Variants in HERC1 observed in about 807,000 individuals in gnomAD.
HERC1 encodes HECT and RLD domain containing E3 ubiquitin protein ligase family member 1.
A neutral mutation model predicts 554.3 loss-of-function variants in HERC1; 160 were observed. The observed-to-expected ratio is 0.29, with a 90% CI of 0.25 to 0.33. The LOEUF is 0.33. HERC1 is among the 10% of genes least tolerant of loss of function. The pLI is 1.00. For missense variants in HERC1, 4,919 were observed against 5,918.5 expected, an observed-to-expected ratio of 0.83 and a Z score of 5.54; for synonymous variants, 2,175 against 2,131.7, an observed-to-expected ratio of 1.02 and a Z score of -0.56.
chr15:63,739,173 A>G (rs1371200655), intron 12 of HERC1, among the ~76,000 whole-genome samples: 2 of 142,960 alleles, frequency 1.4e-5, no homozygotes, highest in Admixed American at 7.2e-5. Context: ...CCTGCTCAAG[A>G]CCTCCAACAA....
Position 63,694,690 on chromosome 15 carries a change from C to G in HERC1, c.5242+84G>C, listed in dbSNP as rs1461783749. On this transcript the variant is annotated intron_variant, in intron 28 of 77. Transcript: ENST00000443617. This position sits in a 1 kb window ranked among gnomAD's most constrained non-coding sequence, Gnocchi z 4.3. ...TATAAGTTTATCTACTAATGTTAAA[C>G]ACAAAATATAGAACATAACTAGTAC... is the stretch of plus-strand genomic sequence containing the variant. 1.3e-6 allele frequency: 2 copies of G among 1,567,244 alleles called. No individual in the cohort carries two copies. Among genetic ancestry groups the G allele is most frequent in the South Asian group, 1.1e-5 (1 of 89,768 alleles).
chr15:63,734,852 A>T lies in HERC1; in HGVS notation c.2521-3T>A. The T allele has an allele frequency of 6.2e-7, 1 of 1,608,918 alleles. No homozygotes were observed. ...ACTGATAAAGTTTCAATTACCACCTAATATCAAAAGAGAAAAGTATACTGA... is the reference window on the plus strand; with the variant it reads ...ACTGATAAAGTTTCAATTACCACCTTATATCAAAAGAGAAAAGTATACTGA... On this transcript the variant is annotated splice_region_variant and splice_polypyrimidine_tract_variant and intron_variant, in intron 12 of 77. Transcript: ENST00000443617. The surrounding 1 kb of genome is among the most constrained non-coding windows in gnomAD (Gnocchi z 4.6).
At chr15:63,708,780 T>G (rs984935179) in intron 24 of HERC1, among the ~76,000 whole-genome samples, 1 of 152,182 alleles carries the variant, frequency 6.6e-6, no homozygotes, top group Non-Finnish European at 1.5e-5. Context: ...TAACCTCATA[T>G]AGTATAGAAG....
At chr15:63,794,653 T>C (rs1401329514) in intron 1 of HERC1, among the ~76,000 whole-genome samples, 1 of 152,114 alleles carries the variant, frequency 6.6e-6, no homozygotes, top group Admixed American at 6.5e-5. Context: ...AGACCAAATA[T>C]ATATTTTACA....
At chr15:63,685,251 C>G (rs2071687655) in intron 34 of HERC1, among the ~76,000 whole-genome samples, 1 of 152,246 alleles carries the variant, frequency 6.6e-6, no homozygotes, top group African/African-American at 2.4e-5. Context: ...CAGACAGTCC[C>G]TCTGAAACCA....
At chr15:63,665,269 C>T (rs891542710) in intron 42 of HERC1, among the ~76,000 whole-genome samples, 1 of 152,184 alleles carries the variant, frequency 6.6e-6, no homozygotes, top group Non-Finnish European at 1.5e-5. Context: ...AACGGTGGCT[C>T]ATGCCTGTAA....
intron 40 of HERC1, 125 bp downstream of exon 40, chr15:63,669,413 C>A (rs1263751823): frequency 1.5e-5 from 13 of 850,972 alleles, no homozygotes; most frequent in Non-Finnish European, 2.1e-5. Context: ...TTTAATGGGG[C>A]AGTTCCCCTT....
intron 67 of HERC1, among the ~76,000 whole-genome samples, chr15:63,633,225 A>G (rs2068638603): frequency 6.6e-6 from 1 of 152,226 alleles, no homozygotes; most frequent in South Asian, 2.1e-4. Flanking sequence ...CTTAATATTC[A>G]CTAGTCTAGC....
At chr15:63,724,587 T>C (rs758180218) in intron 18 of HERC1, among the ~76,000 whole-genome samples, 1 of 152,232 alleles carries the variant, frequency 6.6e-6, no homozygotes, top group Non-Finnish European at 1.5e-5. Flanking sequence ...TTGAGTCTCT[T>C]TGTCTTATCA....
intron 1 of HERC1, among the ~76,000 whole-genome samples, chr15:63,785,027 A>T (rs1596247817): frequency 6.6e-6 from 1 of 152,344 alleles, no homozygotes; most frequent in East Asian, 1.9e-4. Context: ...GTTACAAATT[A>T]TCTAGAAAGT....
chr15:63,640,626 C>T (rs774661527), intron 60 of HERC1, among the ~76,000 whole-genome samples, 181 bp from the exon 61 acceptor site: 1 of 151,854 alleles, frequency 6.6e-6, no homozygotes, highest in East Asian at 1.9e-4. Flanking sequence ...TTCTGTATAC[C>T]CTTCGCCCAA....
At chr15:63,710,864 A>T (rs761908954) in intron 24 of HERC1, among the ~76,000 whole-genome samples, 2 of 152,224 alleles carry the variant, frequency 1.3e-5, no homozygotes, top group African/African-American at 2.4e-5. Context: ...CTAAGAGTCC[A>T]GTGTGACAGA....
intron 22 of HERC1, among the ~76,000 whole-genome samples, chr15:63,715,910 T>C (rs1056022478): frequency 6.6e-6 from 1 of 152,202 alleles, no homozygotes; most frequent in Non-Finnish European, 1.5e-5. Context: ...GAAAACATTA[T>C]GGCTCTCCTA....
chr15:63,684,372 T>C (rs913990830), intron 34 of HERC1, among the ~76,000 whole-genome samples: 7 of 152,176 alleles, frequency 4.6e-5, no homozygotes, highest in African/African-American at 1.7e-4. Context: ...ACGAAAGATG[T>C]AGAAGGTTTT....
Position 63,612,396 on chromosome 15 carries a change from T to C in HERC1, c.14255A>G (p.Gln4752Arg). The change falls in exon 77 of 78, where the codon CAG becomes CGG. Residue 4752 changes from glutamine (Q) to arginine (R), a missense_variant. Gln to Arg is a conservative substitution (Grantham distance 43). Around this residue, in one of 11 missense-constraint regions of HERC1, gnomAD observed 284 missense variants for 294.1 expected, o/e 0.97. Coordinates refer to ENST00000443617, the MANE Select transcript of HERC1 (RefSeq NM_003922.4). The surrounding 1 kb of genome is among the most constrained non-coding windows in gnomAD (Gnocchi z 5.0). ...CGTGTGCCAGAACCACTGCACCAGCTGATGCTGCTCATCCACCTCACGGTA... is the reference window on the plus strand; with the variant it reads ...CGTGTGCCAGAACCACTGCACCAGCCGATGCTGCTCATCCACCTCACGGTA... The part of the protein sequence containing the change: ...VRYREVDEQH[Q>R]LVQWFWHTLE... 2 of 1,614,048 alleles carry C rather than the reference T, an allele frequency of 1.2e-6. No homozygotes were observed.
At chr15:63,712,624 C>CAT in intron 24 of HERC1, 151 bp downstream of exon 24, 1 of 581,866 alleles carries the variant, frequency 1.7e-6, no homozygotes, top group Non-Finnish European at 2.9e-6. Flanking sequence ...ATGTGGTAAA[C>CAT]ATATATGCAA....
chr15:63,696,322 A>T lies in HERC1; in HGVS notation c.4923T>A (p.Leu1641=). Residue 1641 remains leucine, a synonymous_variant, in exon 27 of 78, where the codon CTT becomes CTA. Coordinates refer to ENST00000443617, the MANE Select transcript of HERC1 (RefSeq NM_003922.4). ...QLRAELRLEA[L]HQILVLLSGM... is the part of the protein sequence containing the mutation. ...CAGACAATAGAACGAGGATCTGATG[A>T]AGTGCCTCTAAACGAAGCTTGAGGA... The T allele has an allele frequency of 6.2e-7, 1 of 1,611,752 alleles. No individual in the cohort carries two copies. The highest frequency in any genetic ancestry group is 8.5e-7 in the Non-Finnish European group (1 of 1,178,840).
intron 7 of HERC1, 123 bp from the exon 8 acceptor site, chr15:63,753,208 A>C: frequency 3.3e-6 from 2 of 598,710 alleles, no homozygotes; most frequent in Non-Finnish European, 5.1e-6. Context: ...ATGAAAAGCT[A>C]TGTTTCTGAT....
intron 1 of HERC1, among the ~76,000 whole-genome samples, chr15:63,811,686 G>A (rs2077316888): frequency 6.6e-6 from 1 of 151,810 alleles, no homozygotes; most frequent in African/African-American, 2.4e-5. Flanking sequence ...GCAGGTGCCT[G>A]TAGTCCCAGC....
Sources: gnomAD v4.1 joint callset for allele counts (sites outside exome capture counted in the v4.1 genomes callset) on GRCh38, gnomAD v4.1.1 for gene constraint, gnomAD v4.1.1 regional missense constraint, Gnocchi (gnomAD v3.1) non-coding constraint, MANE v1.5 for transcripts, NCBI Gene and HGNC (gene_info 2026-07-23, HGNC 2026-07-21) for gene names.